The following ELAVL4 variants were observed in gnomAD, a reference collection of about 807,000 sequenced individuals.
ELAVL4 encodes ELAV like RNA binding protein 4, also known as ELAV-like protein 4.
ELAVL4 carries 1 observed loss-of-function variant against 35.6 expected under a neutral mutation model. The ratio of observed to expected loss-of-function variants is 0.03; its 90% CI spans 0.01 to 0.13. The LOEUF (loss-of-function observed/expected upper bound fraction) is 0.13, where lower values mean the gene tolerates loss of function less well. ELAVL4 is among the 10% of genes least tolerant of loss of function. ELAVL4 has a pLI of 1.00. For missense variants in ELAVL4, 267 were observed against 464.9 expected, an observed-to-expected ratio of 0.57 and a Z score of 3.91; for synonymous variants, 156 against 171.0, an observed-to-expected ratio of 0.91 and a Z score of 0.69.
intron 1 of ELAVL4, among the ~76,000 whole-genome samples, chr1:50,063,896 C>G (rs1185414399): frequency 6.6e-6 from 1 of 152,194 alleles, no homozygotes; most frequent in Non-Finnish European, 1.5e-5. Flanking sequence ...CATGTATGGT[C>G]TTTTCCCACC....
intron 1 of ELAVL4, among the ~76,000 whole-genome samples, chr1:50,085,642 T>C (rs1413285963): frequency 6.6e-6 from 1 of 152,248 alleles, no homozygotes; most frequent in Non-Finnish European, 1.5e-5. Context: ...ATATTTGCGT[T>C]GTCATTGCTG....
intron 1 of ELAVL4, among the ~76,000 whole-genome samples, chr1:50,081,717 T>C (rs1022405466): frequency 6.6e-6 from 1 of 152,252 alleles, no homozygotes; most frequent in Non-Finnish European, 1.5e-5. Context: ...CTGGGATACA[T>C]GTGCAGAATG....
intron 2 of ELAVL4, among the ~76,000 whole-genome samples, chr1:50,158,580 C>G (rs1003895123): frequency 6.6e-6 from 1 of 152,182 alleles, no homozygotes; most frequent in African/African-American, 2.4e-5. Context: ...TGAGCTAGAA[C>G]CAGACTTGTA....
chr1:50,189,384 A>G (rs1682324998), intron 3 of ELAVL4, among the ~76,000 whole-genome samples: 1 of 152,246 alleles, frequency 6.6e-6, no homozygotes, highest in Non-Finnish European at 1.5e-5. Context: ...GTGATGAATG[A>G]CAACGCCTGC....
intron 1 of ELAVL4, among the ~76,000 whole-genome samples, chr1:50,086,478 A>T (rs953201733): frequency 3.7e-4 from 13 of 34,854 alleles, no homozygotes; most frequent in East Asian, 2.4e-3. Context: ...TTCAGCTTTT[A>T]TATATATATA....
intron 1 of ELAVL4, among the ~76,000 whole-genome samples, chr1:50,132,297 T>C (rs981903643): frequency 6.6e-6 from 1 of 152,186 alleles, no homozygotes; most frequent in Non-Finnish European, 1.5e-5. Flanking sequence ...TTTTGTCAGC[T>C]GCAGTTGGGA....
intron 1 of ELAVL4, among the ~76,000 whole-genome samples, chr1:50,069,094 A>G (rs1664395947): frequency 6.6e-6 from 1 of 152,204 alleles, no homozygotes; most frequent in Admixed American, 6.5e-5. Context: ...GTCTTACATG[A>G]AACAGATTTT....
At chr1:50,119,036 A>AAAG (rs1668502450) in intron 1 of ELAVL4, among the ~76,000 whole-genome samples, 4 of 127,174 alleles carry the variant, frequency 3.1e-5, no homozygotes, top group African/African-American at 1.2e-4. Flanking sequence ...GAAAGAAAGA[A>AAAG]AAAGAAAGAA....
At position 50,200,918 on chromosome 1, in the gene ELAVL4, A is replaced by T; in HGVS notation, c.841A>T (p.Thr281Ser). Residue 281 changes from threonine to serine, a missense_variant, in exon 7 of 7, where the codon ACT (threonine) becomes TCT (serine). Coordinates refer to ENST00000371824, the MANE Select transcript of ELAVL4 (RefSeq NM_001144774.3). ...VGMNIPGHTG[T>S]GWCIFVYNLS... ...AATGAACATCCCTGGTCACACAGGA[A>T]CTGGGTGGTGCATCTTTGTCTACAA... The T allele has an allele frequency of 6.2e-7, 1 of 1,614,058 alleles. No homozygotes were observed. Among genetic ancestry groups the T allele is most frequent in the Non-Finnish European group, 8.5e-7 (1 of 1,179,986 alleles).
intron 2 of ELAVL4, 117 bp from the exon 3 acceptor site, chr1:50,176,972 A>G: frequency 1.3e-6 from 1 of 752,506 alleles, no homozygotes; most frequent in Non-Finnish European, 2.1e-6. Context: ...GAGAGTTTTG[A>G]CTCACTGCAG....
At position 50,109,017 on chromosome 1, in the gene ELAVL4, C is replaced by CA; in HGVS notation, c.-173_-172insA. The CA allele has an allele frequency of 1.9e-6, 1 of 539,710 alleles. No homozygotes were observed. Among genetic ancestry groups the CA allele is most frequent in the Non-Finnish European group, 2.3e-6 (1 of 431,816 alleles). The allele number at this position is 539,710 out of a possible 1,614,324, so 33.4% of individuals were successfully genotyped here. On this transcript the variant is annotated 5_prime_UTR_variant, in exon 1 of 7. Coordinates refer to ENST00000371824, the MANE Select transcript of ELAVL4 (RefSeq NM_001144774.3). ...TCCTTTTCTTTTTTTTCTTTCTCTCCCCCGCCCACCCCCCCAAAAATAATT... is the reference window on the plus strand; with the variant it reads ...TCCTTTTCTTTTTTTTCTTTCTCTCCACCCGCCCACCCCCCCAAAAATAATT...
chr1:50,158,493 T>C (rs892796135), intron 2 of ELAVL4, among the ~76,000 whole-genome samples: 4 of 152,146 alleles, frequency 2.6e-5, no homozygotes, highest in Non-Finnish European at 5.9e-5. Context: ...CCACACACAA[T>C]TGTTTTGCAT....
At chr1:50,137,755 AG>A (rs1672127007) in intron 1 of ELAVL4, among the ~76,000 whole-genome samples, 1 of 152,146 alleles carries the variant, frequency 6.6e-6, no homozygotes, top group Non-Finnish European at 1.5e-5. Flanking sequence ...TCATATGAAA[AG>A]AGTGGTTTGG....
At chr1:50,173,861 A>G (rs1014285958) in intron 2 of ELAVL4, among the ~76,000 whole-genome samples, 5 of 152,208 alleles carry the variant, frequency 3.3e-5, no homozygotes, top group Non-Finnish European at 7.3e-5. Context: ...AGAGTAATAA[A>G]AAGATATTAT....
chr1:50,131,722 G>A lies in ELAVL4; in HGVS notation c.10-13235G>A, dbSNP rs371518585. ...GGAGAATCACTTGAACCTAGGAGGC[G>A]GAGGTTTCAGTGAGCAGAGATCACA... is the stretch of plus-strand genomic sequence containing the variant. On this transcript the variant is annotated intron_variant, in intron 1 of 6. Coordinates refer to ENST00000371824, the MANE Select transcript of ELAVL4 (RefSeq NM_001144774.3). Among the ~76,000 whole-genome samples the A allele has an allele frequency of 1.9e-4, 29 of 152,032 alleles. 1 individual carries two copies. The highest frequency in any genetic ancestry group is 9.7e-4 in the East Asian group (5 of 5,172).
intron 2 of ELAVL4, among the ~76,000 whole-genome samples, chr1:50,159,582 C>G (rs919839004): frequency 6.6e-6 from 1 of 151,906 alleles, no homozygotes; most frequent in Non-Finnish European, 1.5e-5. Context: ...GCACTCCAGC[C>G]TGGGTGATGG....
chr1:50,189,263 G>C (rs938361454), intron 3 of ELAVL4, among the ~76,000 whole-genome samples: 3 of 152,186 alleles, frequency 2.0e-5, no homozygotes, highest in Non-Finnish European at 4.4e-5. Context: ...CTCAGGTCAT[G>C]CTGTTCTTCC....
At chr1:50,131,905 A>C (rs989188846) in intron 1 of ELAVL4, among the ~76,000 whole-genome samples, 1 of 151,474 alleles carries the variant, frequency 6.6e-6, no homozygotes, top group Non-Finnish European at 1.5e-5. Flanking sequence ...AAAAAAAACC[A>C]GAAGTTTGCA....
chr1:50,127,263 A>T (rs1479517145), intron 1 of ELAVL4, among the ~76,000 whole-genome samples: 6 of 152,086 alleles, frequency 3.9e-5, no homozygotes, highest in Non-Finnish European at 7.4e-5. Context: ...GCTGGGAGTA[A>T]GAAGTCAACC....
Sources: gnomAD v4.1 joint callset for allele counts (sites outside exome capture counted in the v4.1 genomes callset) on GRCh38, gnomAD v4.1.1 for gene constraint, MANE v1.5 for transcripts, NCBI Gene and HGNC (gene_info 2026-07-23, HGNC 2026-07-21) for gene names.